Variants in NLRP11 observed in about 807,000 individuals in gnomAD.
The protein encoded by NLRP11 is NLR family pyrin domain containing 11, also known as NACHT, LRR and PYD domains-containing protein 11.
In NLRP11, 53 loss-of-function variants were observed where a neutral mutation model predicts 79.3. That is an observed-to-expected ratio of 0.67 (90% CI 0.54 to 0.84). The LOEUF (loss-of-function observed/expected upper bound fraction) is 0.84, where lower values mean the gene tolerates loss of function less well. NLRP11 is among the 40% of genes least tolerant of loss of function. NLRP11 has a pLI of 0.00. For synonymous variants in NLRP11, 518 were observed against 462.6 expected, an observed-to-expected ratio of 1.12 and a Z score of -1.54; for missense variants, 1,264 against 1,255.0, an observed-to-expected ratio of 1.01 and a Z score of -0.11.
intron 1 of NLRP11, among the ~76,000 whole-genome samples, chr19:55,818,698 T>C (rs964881991): frequency 3.9e-5 from 6 of 152,182 alleles, no homozygotes; most frequent in Non-Finnish European, 5.9e-5. Context: ...AGGTATGTCA[T>C]TGATACGTAT....
At chr19:55,792,069 C>A (rs1568627423) in intron 7 of NLRP11, among the ~76,000 whole-genome samples, 1 of 152,186 alleles carries the variant, frequency 6.6e-6, no homozygotes, top group Admixed American at 6.5e-5. Context: ...AGGCACCCTT[C>A]TCCATGTGAT....
At chr19:55,828,441 C>G (rs972061562) in intron 1 of NLRP11, among the ~76,000 whole-genome samples, 1 of 152,112 alleles carries the variant, frequency 6.6e-6, no homozygotes, top group African/African-American at 2.4e-5. Flanking sequence ...TTTTATCAGA[C>G]TGCAAAGTTA....
intron 5 of NLRP11, 74 bp from the exon 6 acceptor site, chr19:55,796,324 A>AG: frequency 8.0e-7 from 1 of 1,247,082 alleles, no homozygotes. Flanking sequence ...AAAAAAAAAA[A>AG]AAAAGAGAGA....
intron 1 of NLRP11, among the ~76,000 whole-genome samples, chr19:55,829,183 C>T (rs949100344): frequency 2.2e-5 from 3 of 139,226 alleles, no homozygotes; most frequent in Admixed American, 7.3e-5. Context: ...TACATACACA[C>T]GCTGACACAA....
At chr19:55,795,960 A>G in intron 6 of NLRP11, 120 bp downstream of exon 6, 1 of 860,630 alleles carries the variant, frequency 1.2e-6, no homozygotes, top group Non-Finnish European at 1.8e-6. Flanking sequence ...AACTCCAAAG[A>G]CTGTGCTTTC....
upstream of NLRP11, among the ~76,000 whole-genome samples, chr19:55,834,039 A>T (rs181734692): frequency 1.3e-5 from 2 of 152,148 alleles, no homozygotes; most frequent in Non-Finnish European, 2.9e-5. Flanking sequence ...AAACTCTATC[A>T]TATTTTAAAA....
intron 9 of NLRP11, 88 bp from the exon 10 acceptor site, chr19:55,785,959 C>G: frequency 1.4e-6 from 2 of 1,390,846 alleles, no homozygotes; most frequent in South Asian, 2.8e-5. Flanking sequence ...CATATGGCAT[C>G]CTTTGGGTAT....
At chr19:55,801,421 G>A in intron 5 of NLRP11, 151 bp downstream of exon 5, 1 of 614,250 alleles carries the variant, frequency 1.6e-6, no homozygotes, top group East Asian at 2.7e-5. Flanking sequence ...AATAATGTTG[G>A]TGAAAGAAAC....
At chr19:55,832,827 T>C (rs1982918573), upstream of NLRP11, 2 of 152,186 alleles carry the variant, frequency 1.3e-5, no homozygotes, top group Admixed American at 1.3e-4. Context: ...AAAGAATACC[T>C]TTTACAATAA....
At chr19:55,796,621 A>T (rs1029071555) in intron 5 of NLRP11, among the ~76,000 whole-genome samples, 72 of 152,142 alleles carry the variant, frequency 4.7e-4, no homozygotes, top group African/African-American at 1.7e-3. Context: ...TCACATTTAC[A>T]AGGACTTCTG....
At chr19:55,802,306 A>T (rs575289597) in intron 4 of NLRP11, among the ~76,000 whole-genome samples, 75 of 152,186 alleles carry the variant, frequency 4.9e-4, no homozygotes, top group Non-Finnish European at 8.8e-4. Context: ...GATAAACTGC[A>T]AAAGTTTCAG....
chr19:55,829,554 C>T (rs1007673708), intron 1 of NLRP11, among the ~76,000 whole-genome samples: 1 of 150,120 alleles, frequency 6.7e-6, no homozygotes, highest in Non-Finnish European at 1.5e-5. Context: ...GTAGTCCCAG[C>T]TACTCAGAAG....
At chr19:55,805,279 G>A (rs1266720718) in intron 4 of NLRP11, among the ~76,000 whole-genome samples, 1 of 152,038 alleles carries the variant, frequency 6.6e-6, no homozygotes, top group African/African-American at 2.4e-5. Flanking sequence ...TTAAAGGAAA[G>A]AGACGGGAAG....
chr19:55,822,322 TA>T (rs1220408311), intron 1 of NLRP11, among the ~76,000 whole-genome samples: 6 of 152,228 alleles, frequency 3.9e-5, no homozygotes, highest in Non-Finnish European at 8.8e-5. Context: ...TCTCTCACCC[TA>T]AAATGATATC....
rs978303262 is a variant in NLRP11, at chr19:55,822,818, C to T, written c.-62-4582G>A. Among the ~76,000 whole-genome samples, 117 of 152,108 alleles carry T rather than the reference C, an allele frequency of 7.7e-4. No homozygotes were observed. The East Asian group carries it at 8.0e-3, about 10-fold the overall frequency. On this transcript the variant is annotated intron_variant, in intron 1 of 9. Transcript: ENST00000589093. ...AGCAGTCTGAGATCAAACTGCAAGG[C>T]GGCAGCTAGGCTGGGGGAGGGGCGC...
intron 1 of NLRP11, among the ~76,000 whole-genome samples, chr19:55,823,367 C>T (rs1316107851): frequency 1.5e-5 from 2 of 136,390 alleles, no homozygotes; most frequent in Non-Finnish European, 1.5e-5. Flanking sequence ...TCTCCTCCTC[C>T]AAAGGAACGC....
At chr19:55,793,398 G>A (rs976453340) in intron 6 of NLRP11, among the ~76,000 whole-genome samples, 2 of 151,566 alleles carry the variant, frequency 1.3e-5, no homozygotes, top group African/African-American at 2.4e-5. Context: ...GTGAAACCCC[G>A]TCTCTGCTAA....
chr19:55,791,595 C>T (rs17635546), intron 7 of NLRP11, among the ~76,000 whole-genome samples: 2 of 151,898 alleles, frequency 1.3e-5, no homozygotes, highest in African/African-American at 4.8e-5. Context: ...TATTTCTGAG[C>T]CCAAAAAAAG....
At chr19:55,795,420 G>C (rs964396337) in intron 6 of NLRP11, among the ~76,000 whole-genome samples, 15 of 152,124 alleles carry the variant, frequency 9.9e-5, no homozygotes, top group Non-Finnish European at 2.1e-4. Flanking sequence ...AACAATATAG[G>C]TTCCCTGCTC....
Sources: gnomAD v4.1 joint callset for allele counts (sites outside exome capture counted in the v4.1 genomes callset) on GRCh38, gnomAD v4.1.1 for gene constraint, MANE v1.5 for transcripts, NCBI Gene and HGNC (gene_info 2026-07-23, HGNC 2026-07-21) for gene names.